The following NFIA variants were observed in gnomAD, a reference collection of about 807,000 sequenced individuals.
NFIA encodes nuclear factor I A, also known as nuclear factor 1 A-type.
In NFIA, 8 loss-of-function variants were observed where a neutral mutation model predicts 62.8. The ratio of observed to expected loss-of-function variants is 0.13; its 90% CI spans 0.07 to 0.23. The LOEUF (loss-of-function observed/expected upper bound fraction) is 0.23, where lower values mean the gene tolerates loss of function less well. NFIA is among the 10% of genes least tolerant of loss of function. The probability of loss-of-function intolerance (pLI) is 1.00; values close to 1 mark genes in which losing one functional copy is unlikely to be tolerated. For synonymous variants in NFIA, 235 were observed against 238.1 expected, an observed-to-expected ratio of 0.99 and a Z score of 0.12; for missense variants, 410 against 642.1, an observed-to-expected ratio of 0.64 and a Z score of 3.91.
chr1:61,400,353 T>C (rs567054134), intron 7 of NFIA, among the ~76,000 whole-genome samples: 3 of 152,328 alleles, frequency 2.0e-5, no homozygotes, highest in Admixed American at 6.5e-5. Context: ...GGCCACTCGT[T>C]AAAGTTTAAA....
At chr1:61,158,361 A>G (rs897710409) in intron 2 of NFIA, among the ~76,000 whole-genome samples, 3 of 152,222 alleles carry the variant, frequency 2.0e-5, no homozygotes, top group African/African-American at 7.2e-5. Flanking sequence ...TGTCCTGCAC[A>G]TTAATTTTAA....
chr1:61,355,739 C>T (rs7544213), intron 5 of NFIA, among the ~76,000 whole-genome samples: 16,252 of 151,814 alleles, frequency 0.11, 989 homozygotes, highest in Middle Eastern at 0.17. Context: ...TGCCACCACA[C>T]GCGGCTGATT....
intron 2 of NFIA, among the ~76,000 whole-genome samples, chr1:61,249,742 T>C (rs913058412): frequency 6.6e-6 from 1 of 151,948 alleles, no homozygotes; most frequent in Non-Finnish European, 1.5e-5. Flanking sequence ...GAGGCGGAGG[T>C]TGCAGTGAGC....
chr1:61,375,950 A>T (rs1664131763), intron 6 of NFIA, among the ~76,000 whole-genome samples: 1 of 152,150 alleles, frequency 6.6e-6, no homozygotes, highest in African/African-American at 2.4e-5. Flanking sequence ...ACTCTCCTGG[A>T]ACTCACTTTT....
chr1:61,230,033 T>C (rs1654574132), intron 2 of NFIA, among the ~76,000 whole-genome samples: 1 of 152,168 alleles, frequency 6.6e-6, no homozygotes, highest in Admixed American at 6.5e-5. Context: ...AAATAAGAAT[T>C]ATAACTATCT....
chr1:61,090,461 G>A (rs1043861125), intron 2 of NFIA, among the ~76,000 whole-genome samples: 20 of 152,132 alleles, frequency 1.3e-4, no homozygotes, highest in Admixed American at 7.2e-4. Context: ...CTAAGTTTTC[G>A]TCTTAAACAT....
At chr1:61,409,253 T>C (rs1423976061) in intron 9 of NFIA, among the ~76,000 whole-genome samples, 3 of 152,208 alleles carry the variant, frequency 2.0e-5, no homozygotes, top group East Asian at 1.9e-4. Flanking sequence ...TCTAGAAATA[T>C]AGACAAAACA....
At chr1:61,081,676 A>G, upstream of NFIA, 1 of 519,658 alleles carries the variant, frequency 1.9e-6, no homozygotes, top group East Asian at 3.6e-5. Flanking sequence ...AACGCTCATT[A>G]ATCTCCGCCT....
rs1011110068 is a variant in NFIA, at chr1:61,189,123, G to A, written c.560-88397G>A. Among the ~76,000 whole-genome samples the A allele has an allele frequency of 3.9e-5, 6 of 152,184 alleles. No individual in the cohort carries two copies. In the South Asian group the frequency reaches 1.0e-3, roughly 26 times the overall value. Reference sequence around the variant, plus strand: ...AGGTATAGTAGGGTAACGGGTCAAGGAAAGGCATGGTCTTCTGTGGCCCAG... The same window carrying A: ...AGGTATAGTAGGGTAACGGGTCAAGAAAAGGCATGGTCTTCTGTGGCCCAG... On this transcript the variant is annotated intron_variant, in intron 2 of 10. Coordinates refer to ENST00000403491, the MANE Select transcript of NFIA (RefSeq NM_001134673.4).
chr1:61,367,958 G>A (rs903921432), intron 6 of NFIA, among the ~76,000 whole-genome samples: 4 of 152,148 alleles, frequency 2.6e-5, no homozygotes, highest in Non-Finnish European at 4.4e-5. Flanking sequence ...GATCACACAC[G>A]TCTCACTTTG....
At chr1:61,334,555 GTATATATATATATATATA>G (rs56259392) in intron 4 of NFIA, among the ~76,000 whole-genome samples, 8,155 of 97,454 alleles carry the variant, frequency 0.084, 1,236 homozygotes, top group East Asian at 0.18. Flanking sequence ...GTGTGTGTGT[GTATATATATATATATATA>G]TATATATATA....
chr1:61,230,860 T>A (rs1654632258), intron 2 of NFIA, among the ~76,000 whole-genome samples: 1 of 152,296 alleles, frequency 6.6e-6, no homozygotes, highest in Non-Finnish European at 1.5e-5. Context: ...TCTTCTGGTT[T>A]CTCTACAGGA....
At chr1:61,253,681 C>T (rs1656192304) in intron 2 of NFIA, among the ~76,000 whole-genome samples, 1 of 152,148 alleles carries the variant, frequency 6.6e-6, no homozygotes, top group Non-Finnish European at 1.5e-5. Context: ...AAGACAAACC[C>T]TAATAGCCAA....
chr1:61,283,952 A>G (rs1365012681), intron 3 of NFIA, among the ~76,000 whole-genome samples: 1 of 152,210 alleles, frequency 6.6e-6, no homozygotes, highest in East Asian at 1.9e-4. Flanking sequence ...AGGCAATGCA[A>G]CCTTACAGTT....
chr1:61,144,339 T>TA (rs1647770014), intron 2 of NFIA, among the ~76,000 whole-genome samples: 1 of 152,256 alleles, frequency 6.6e-6, no homozygotes, highest in South Asian at 2.1e-4. Flanking sequence ...TAGAAGATTT[T>TA]AAACAATTTG....
intron 2 of NFIA, among the ~76,000 whole-genome samples, chr1:61,153,773 A>G (rs1035633887): frequency 6.6e-6 from 1 of 152,200 alleles, no homozygotes; most frequent in Non-Finnish European, 1.5e-5. Context: ...GAGTTGCTGA[A>G]CTGCCCTGGT....
At chr1:61,213,367 C>T (rs937281953) in intron 2 of NFIA, among the ~76,000 whole-genome samples, 2 of 152,106 alleles carry the variant, frequency 1.3e-5, no homozygotes, top group Non-Finnish European at 2.9e-5. Flanking sequence ...ACAGGAGATG[C>T]GGGTTGTGAA....
At chr1:61,119,361 C>A (rs1646849451) in intron 2 of NFIA, among the ~76,000 whole-genome samples, 1 of 152,140 alleles carries the variant, frequency 6.6e-6, no homozygotes, top group East Asian at 1.9e-4. Context: ...AGTTACTCAG[C>A]AAAACAAATG....
intron 3 of NFIA, among the ~76,000 whole-genome samples, chr1:61,285,523 G>A (rs972889192): frequency 1.3e-5 from 2 of 152,064 alleles, no homozygotes; most frequent in African/African-American, 4.8e-5. Context: ...AAATTCATGT[G>A]GCCACAAGGA....
Sources: gnomAD v4.1 joint callset for allele counts (sites outside exome capture counted in the v4.1 genomes callset) on GRCh38, gnomAD v4.1.1 for gene constraint, MANE v1.5 for transcripts, NCBI Gene and HGNC (gene_info 2026-07-23, HGNC 2026-07-21) for gene names.